DMXL2: variants seen among roughly 807,000 people sequenced by gnomAD.
DMXL2 encodes Dmx like 2.
A neutral mutation model predicts 331.1 loss-of-function variants in DMXL2; 103 were observed. That is an observed-to-expected ratio of 0.31 (90% confidence interval 0.27 to 0.37). DMXL2 has a LOEUF of 0.37. DMXL2 is among the 10% of genes least tolerant of loss of function. DMXL2 has a pLI of 1.00. For synonymous variants in DMXL2, 1,281 were observed against 1,252.1 expected, an observed-to-expected ratio of 1.02 and a Z score of -0.49; for missense variants, 3,171 against 3,642.9, an observed-to-expected ratio of 0.87 and a Z score of 3.33.
chr15:51,575,783 A>G (rs1189618929), intron 2 of DMXL2, among the ~76,000 whole-genome samples: 1 of 152,152 alleles, frequency 6.6e-6, no homozygotes, highest in African/African-American at 2.4e-5. Context: ...TGGCTGCTAG[A>G]AGTATTAACT....
intron 1 of DMXL2, among the ~76,000 whole-genome samples, chr15:51,579,856 A>AT (rs2051290093): frequency 6.6e-6 from 1 of 152,158 alleles, no homozygotes. Context: ...ACCTACTATG[A>AT]TCAAGCTGTT....
intron 15 of DMXL2, among the ~76,000 whole-genome samples, chr15:51,510,096 T>C (rs2046663919): frequency 6.6e-6 from 1 of 152,154 alleles, no homozygotes; most frequent in Admixed American, 6.5e-5. Context: ...CCACAGCCAA[T>C]ATCATGCTGA....
chr15:51,530,371 AG>A (rs1182714893), intron 13 of DMXL2, among the ~76,000 whole-genome samples: 1 of 152,182 alleles, frequency 6.6e-6, no homozygotes, highest in Non-Finnish European at 1.5e-5. Flanking sequence ...TGATAAATTC[AG>A]TAAAGTTCCA....
At position 51,517,825 on chromosome 15, in the gene DMXL2, C is replaced by T. The variant is rs147071676; in HGVS notation, c.2437-658G>A. Among the ~76,000 whole-genome samples the T allele has an allele frequency of 5.6e-4, 85 of 152,226 alleles. 1 individual carries two copies. The highest frequency in any genetic ancestry group is 1.9e-3 in the African/African-American group (78 of 41,538). On this transcript the variant is annotated intron_variant, in intron 13 of 43. Transcript: ENST00000560891. ...CTAGCTTCGCCTAGAGATATAAGTA[C>T]AAGGTAGGGAGATATAAGTACAAGC...
chr15:51,507,379 T>C, intron 15 of DMXL2, 126 bp from the exon 16 acceptor site: 3 of 855,274 alleles, frequency 3.5e-6, no homozygotes, highest in South Asian at 2.2e-5. Context: ...AGAAAGACTT[T>C]AAGGAGGAGT....
rs2041896265 is a variant in DMXL2, at chr15:51,480,038, A to T, written c.6666T>A (p.Pro2222=). The part of the protein sequence containing the change: ...IASTKTVIAN[P]VLYLNNHIHD... Reference sequence around the variant, plus strand: ...GGATGTGATTATTTAAGTACAATACAGGATTAGCTATGACTGTTTTTGTTG... The same window carrying T: ...GGATGTGATTATTTAAGTACAATACTGGATTAGCTATGACTGTTTTTGTTG... Residue 2222 remains proline (P), a synonymous_variant, in exon 25 of 44, where the codon CCT becomes CCA. Transcript: ENST00000560891. The T allele has an allele frequency of 6.2e-7, 1 of 1,602,228 alleles. No individual in the cohort carries two copies.
chr15:51,593,867 T>C (rs1279354509), intron 1 of DMXL2, among the ~76,000 whole-genome samples: 3 of 152,114 alleles, frequency 2.0e-5, no homozygotes, highest in Admixed American at 6.6e-5. Context: ...TTGAAACCAA[T>C]GAGAACAAAG....
intron 33 of DMXL2, among the ~76,000 whole-genome samples, chr15:51,462,496 C>T (rs533002880): frequency 2.0e-5 from 3 of 152,158 alleles, no homozygotes; most frequent in African/African-American, 4.8e-5. Context: ...CCACCACGCC[C>T]GGCTAATCTT....
chr15:51,462,612 C>T (rs1318285430), intron 33 of DMXL2, among the ~76,000 whole-genome samples: 1 of 152,190 alleles, frequency 6.6e-6, no homozygotes, highest in African/African-American at 2.4e-5. Context: ...GCTGGGATTA[C>T]AGGTGTGAGC....
intron 1 of DMXL2, among the ~76,000 whole-genome samples, chr15:51,594,972 T>C (rs991761562): frequency 5.9e-5 from 9 of 152,228 alleles, no homozygotes; most frequent in Non-Finnish European, 1.0e-4. Flanking sequence ...TCATAGTGAA[T>C]GGGCAAAAAC....
chr15:51,450,271 C>T lies in DMXL2; in HGVS notation c.8825G>A (p.Arg2942Lys), dbSNP rs1377874083. The T allele has an allele frequency of 2.5e-6, 4 of 1,613,960 alleles. No individual in the cohort carries two copies. The highest frequency in any genetic ancestry group is 2.2e-5 in the East Asian group (1 of 44,886). Residue 2942 changes from arginine (R) to lysine (K), a missense_variant, in exon 43 of 44, where the codon AGG becomes AAG. Arg to Lys is a conservative substitution (Grantham distance 26). This residue lies in a region of DMXL2 where 766 missense variants were observed against 940.5 expected (regional missense o/e 0.81). Transcript: ENST00000560891. ...PKQQLLISGG[R>K]KGHVCIFDIR... ...GTCAAAAATGCAGACGTGTCCTTTC[C>T]TACCCCCCGAGATTAGGAGTTGCTG...
At chr15:51,546,138 A>T (rs2048877026) in intron 7 of DMXL2, among the ~76,000 whole-genome samples, 1 of 152,166 alleles carries the variant, frequency 6.6e-6, no homozygotes, top group African/African-American at 2.4e-5. Flanking sequence ...TAGTTTCATC[A>T]CTTTACATCC....
At position 51,499,600 on chromosome 15, in the gene DMXL2, C is replaced by G; in HGVS notation, c.3624G>C (p.Lys1208Asn). Residue 1208 changes from lysine to asparagine, a missense_variant, in exon 18 of 44, where the codon AAG (lysine) becomes AAC (asparagine). Physicochemically the swap from Lys to Asn is moderately conservative, Grantham distance 94. Coordinates refer to ENST00000560891, the MANE Select transcript of DMXL2 (RefSeq NM_001378457.1). The stretch of plus-strand genomic sequence containing the variant: ...GTAAAGTGATGACAGCTACTCCATC[C>G]TTACTGTTGGTTTGCTCAGTCACAA... ...SGIVTEQTNS[K>N]DGVAVITLPL... The G allele has an allele frequency of 6.2e-7, 1 of 1,614,118 alleles. No homozygotes were observed. Among genetic ancestry groups the G allele is most frequent in the South Asian group, 1.1e-5 (1 of 91,076 alleles).
rs2039742439 is a variant in DMXL2 at position 51,457,573 on chromosome 15, CTAAG to C, written c.8199-111_8199-108del. The C allele has an allele frequency of 5.2e-6, 7 of 1,343,738 alleles. No homozygotes were observed. The South Asian group carries it at 8.9e-5, about 17-fold the overall frequency. The allele number at this position is 1,343,738 out of a possible 1,614,324, so 83.2% of individuals were successfully genotyped here. ...CATAGGACAATCTTTATTTTAAAAA[CTAAG>C]TAGCCATGAGAAAAACTTAGGTACA... is the stretch of plus-strand genomic sequence containing the variant. On this transcript the variant is annotated intron_variant, in intron 36 of 43. Transcript: ENST00000560891.
intron 19 of DMXL2, among the ~76,000 whole-genome samples, chr15:51,494,164 C>T (rs1376925055): frequency 6.6e-6 from 1 of 152,048 alleles, no homozygotes; most frequent in African/African-American, 2.4e-5. Context: ...AGAAAAAATA[C>T]CTCAGCAAAA....
At chr15:51,548,599 C>T in intron 6 of DMXL2, among the ~76,000 whole-genome samples, 1 of 151,940 alleles carries the variant, frequency 6.6e-6, no homozygotes, top group East Asian at 1.9e-4. Flanking sequence ...TACCCGAGAG[C>T]CCCTCAAAAG....
chr15:51,551,339 C>T (rs1379261419), intron 6 of DMXL2, among the ~76,000 whole-genome samples: 1 of 152,022 alleles, frequency 6.6e-6, no homozygotes, highest in Non-Finnish European at 1.5e-5. Flanking sequence ...CTTAGGGAGA[C>T]GTGACTAACA....
intron 16 of DMXL2, among the ~76,000 whole-genome samples, chr15:51,503,652 C>A (rs1443150934): frequency 6.6e-6 from 1 of 152,028 alleles, no homozygotes; most frequent in Non-Finnish European, 1.5e-5. Flanking sequence ...TGTTTGATAG[C>A]ACAGTAGAAT....
intron 1 of DMXL2, among the ~76,000 whole-genome samples, chr15:51,589,290 C>T (rs887353065): frequency 6.6e-6 from 1 of 152,140 alleles, no homozygotes; most frequent in Non-Finnish European, 1.5e-5. Context: ...AGATCAGATG[C>T]CCAAAGACAA....
Sources: allele counts gnomAD v4.1 joint callset (sites outside exome capture counted in the v4.1 genomes callset), GRCh38; gene constraint gnomAD v4.1.1; regional missense constraint gnomAD v4.1.1; transcripts MANE v1.5; gene names NCBI Gene and HGNC (gene_info 2026-07-23, HGNC 2026-07-21).